Variants in MOSMO observed in about 807,000 individuals in gnomAD.
The protein encoded by MOSMO is modulator of smoothened protein.
In MOSMO, 5 loss-of-function variants were observed where a neutral mutation model predicts 18.4. That is an observed-to-expected ratio of 0.27 (90% confidence interval 0.14 to 0.57). MOSMO has a LOEUF of 0.57. Among genes scored for constraint, MOSMO ranks in the 20% least tolerant of loss-of-function variants. The pLI is 0.92. For synonymous variants in MOSMO, 82 were observed against 82.3 expected (o/e 1.00, Z 0.02); for missense variants, 138 against 211.8 (o/e 0.65, Z 2.16).
At chr16:22,034,035 G>A (rs774535330) in intron 1 of MOSMO, among the ~76,000 whole-genome samples, 7 of 152,046 alleles carry the variant, frequency 4.6e-5, no homozygotes, top group Non-Finnish European at 1.0e-4. Flanking sequence ...TGTAAGTCAC[G>A]GACCACGGGG....
Position 22,008,315 on chromosome 16 carries a change from C to T in MOSMO, c.14C>T (p.Thr5Ile), listed in dbSNP as rs1899433043. The change falls in exon 1 of 3, where the codon ACC becomes ATC. Residue 5 changes from threonine (T) to isoleucine (I), a missense_variant. Transcript: ENST00000542527. MDKL[T>I]IISGCLFLAA... ...CGGGGCGGGGAGATGGATAAACTGACCATCATCTCAGGATGTCTCTTTCTG... is the reference window on the plus strand; with the variant it reads ...CGGGGCGGGGAGATGGATAAACTGATCATCATCTCAGGATGTCTCTTTCTG... 1.3e-6 allele frequency: 2 copies of T among 1,529,834 alleles called. No homozygotes were observed. Among genetic ancestry groups the T allele is most frequent in the African/African-American group, 2.8e-5 (2 of 72,506 alleles). 94.8% of individuals were successfully genotyped at this position (1,529,834 alleles called of 1,614,324 possible).
intron 2 of MOSMO, among the ~76,000 whole-genome samples, chr16:22,078,880 T>C (rs1901024828): frequency 6.6e-6 from 1 of 152,194 alleles, no homozygotes; most frequent in Non-Finnish European, 1.5e-5. Flanking sequence ...CTAAAAGCTA[T>C]AAAACATAAT....
intron 1 of MOSMO, among the ~76,000 whole-genome samples, chr16:22,072,982 A>C (rs1190335619): frequency 6.6e-6 from 1 of 152,140 alleles, no homozygotes; most frequent in African/African-American, 2.4e-5. Context: ...AACCGTGGTC[A>C]GATTATTTGC....
At chr16:22,062,761 G>A (rs1387863901) in intron 1 of MOSMO, among the ~76,000 whole-genome samples, 1 of 152,164 alleles carries the variant, frequency 6.6e-6, no homozygotes, top group Non-Finnish European at 1.5e-5. Context: ...ACAATACTGG[G>A]AGGTCATTCT....
intron 1 of MOSMO, among the ~76,000 whole-genome samples, chr16:22,040,802 A>G (rs1900195900): frequency 6.6e-6 from 1 of 152,178 alleles, no homozygotes; most frequent in African/African-American, 2.4e-5. Context: ...AAGCAGCAGG[A>G]TTATGGTTTT....
intron 1 of MOSMO, 91 bp from the exon 2 acceptor site, chr16:22,075,396 T>G: frequency 3.9e-4 from 337 of 864,186 alleles, no homozygotes; most frequent in Non-Finnish European, 5.2e-4. Context: ...AAGAGATAAA[T>G]GAGATTTAAG....
chr16:22,090,515 A>G (rs970079109), downstream of MOSMO, among the ~76,000 whole-genome samples: 3 of 152,256 alleles, frequency 2.0e-5, no homozygotes, highest in African/African-American at 7.2e-5. Flanking sequence ...TACAAAAGAC[A>G]GAAAAAACAG....
At chr16:22,086,432 ACCT>A (rs1447098868), downstream of MOSMO, among the ~76,000 whole-genome samples, 2 of 151,536 alleles carry the variant, frequency 1.3e-5, no homozygotes, top group Non-Finnish European at 2.9e-5. Flanking sequence ...TGTCTGTACC[ACCT>A]CCTCTCAGTT....
intron 1 of MOSMO, among the ~76,000 whole-genome samples, chr16:22,011,921 T>C (rs919934903): frequency 1.6e-5 from 2 of 127,680 alleles, no homozygotes; most frequent in African/African-American, 2.9e-5. Context: ...CAGGCAGATG[T>C]AGTCCTGAGT....
At chr16:22,092,425 G>T (rs1313880867), downstream of MOSMO, 2 of 503,324 alleles carry the variant, frequency 4.0e-6, no homozygotes, top group Non-Finnish European at 7.2e-6. Flanking sequence ...AACACAGCTG[G>T]TGACTTCTTC....
At chr16:22,027,989 GT>G (rs903205303) in intron 1 of MOSMO, among the ~76,000 whole-genome samples, 2 of 152,012 alleles carry the variant, frequency 1.3e-5, no homozygotes, top group African/African-American at 4.8e-5. Context: ...AAAATGTATC[GT>G]TTTTTAGGTC....
At chr16:22,088,432 T>C (rs1901229534), downstream of MOSMO, among the ~76,000 whole-genome samples, 2 of 152,230 alleles carry the variant, frequency 1.3e-5, no homozygotes, top group Admixed American at 6.5e-5. Flanking sequence ...CCCATTTTGA[T>C]GTACATGAGG....
At chr16:22,010,466 C>T (rs1899501522) in intron 1 of MOSMO, among the ~76,000 whole-genome samples, 1 of 152,004 alleles carries the variant, frequency 6.6e-6, no homozygotes, top group South Asian at 2.1e-4. Context: ...AAAGGGGTTT[C>T]GGTGCTGTAG....
chr16:22,036,417 C>T (rs1049219600), intron 1 of MOSMO, among the ~76,000 whole-genome samples: 2 of 152,108 alleles, frequency 1.3e-5, no homozygotes, highest in African/African-American at 4.8e-5. Context: ...TGAGCCACTG[C>T]GCCTGGCCTA....
At chr16:22,055,526 A>G (rs190641954) in intron 1 of MOSMO, among the ~76,000 whole-genome samples, 2 of 152,274 alleles carry the variant, frequency 1.3e-5, no homozygotes, top group Admixed American at 6.5e-5. Flanking sequence ...GGAACTAGCT[A>G]TTTTTCCTAC....
At chr16:22,064,245 C>CT (rs2141764029) in intron 1 of MOSMO, 5 of 454,232 alleles carry the variant, frequency 1.1e-5, no homozygotes, top group South Asian at 7.8e-5. Flanking sequence ...AATGTTTAGT[C>CT]TTTTTGTTAA....
In MOSMO at chr16:22,072,748, C is replaced by CTTGCCGT. The variant is rs1900882337; in HGVS notation, c.107-2738_107-2732dup. 2.7e-5 allele frequency among the ~76,000 whole-genome samples: 4 copies of CTTGCCGT among 150,616 alleles called. No homozygotes were observed. In the South Asian group the frequency reaches 8.4e-4, roughly 32 times the overall value. On this transcript the variant is annotated intron_variant, in intron 1 of 2. Transcript: ENST00000542527. ...AATGGCGTGAACCCGGGAGGCGGAG[C>CTTGCCGT]TTGCCGTGATATCGCGCCACTGCAC...
intron 1 of MOSMO, among the ~76,000 whole-genome samples, chr16:22,023,545 TTC>T (rs1252663859): frequency 6.6e-6 from 1 of 152,224 alleles, no homozygotes; most frequent in Non-Finnish European, 1.5e-5. Flanking sequence ...ACTGCTTTTT[TTC>T]TCTTTTTATT....
intron 1 of MOSMO, among the ~76,000 whole-genome samples, chr16:22,025,094 A>G (rs1342949805): frequency 1.3e-5 from 2 of 151,744 alleles, no homozygotes; most frequent in Non-Finnish European, 2.9e-5. Flanking sequence ...TCAAGGCTGC[A>G]GTGAGATATG....
Sources: gnomAD v4.1 joint callset for allele counts (sites outside exome capture counted in the v4.1 genomes callset) on GRCh38, gnomAD v4.1.1 for gene constraint, MANE v1.5 for transcripts, NCBI Gene and HGNC (gene_info 2026-07-23, HGNC 2026-07-21) for gene names.